HDAC9: variants seen among roughly 807,000 people sequenced by gnomAD.
HDAC9 encodes MEF-2 interacting transcription repressor (MITR) protein.
In HDAC9, 41 loss-of-function variants were observed where a neutral mutation model predicts 139.4. The observed-to-expected ratio is 0.29, with a 90% CI of 0.23 to 0.38. HDAC9 has a LOEUF of 0.38. Among genes scored for constraint, HDAC9 ranks in the 10% least tolerant of loss-of-function variants. The pLI is 1.00. For synonymous variants in HDAC9, 517 were observed against 476.2 expected, an observed-to-expected ratio of 1.09 and a Z score of -1.12; for missense variants, 1,147 against 1,297.0, an observed-to-expected ratio of 0.88 and a Z score of 1.78.
intron 22 of HDAC9, among the ~76,000 whole-genome samples, chr7:18,927,326 C>T (rs1441353978): frequency 2.0e-5 from 3 of 152,144 alleles, no homozygotes; most frequent in African/African-American, 4.8e-5. Context: ...TTCCTCCCAT[C>T]TGCAACAATC....
At chr7:18,992,195 C>T (rs1395111064) in intron 25 of HDAC9, among the ~76,000 whole-genome samples, 1 of 152,168 alleles carries the variant, frequency 6.6e-6, no homozygotes, top group East Asian at 1.9e-4. Context: ...AGTACGTATA[C>T]TAGGAAGTTC....
chr7:18,326,801 A>G (rs1800484698), intron 1 of HDAC9, among the ~76,000 whole-genome samples: 1 of 151,970 alleles, frequency 6.6e-6, no homozygotes, highest in Non-Finnish European at 1.5e-5. Context: ...CCTTTTGTAC[A>G]GGGTAGAAAC....
At chr7:18,300,730 A>G (rs1334797639) in intron 1 of HDAC9, among the ~76,000 whole-genome samples, 1 of 152,186 alleles carries the variant, frequency 6.6e-6, no homozygotes. Context: ...CAGACCGGTT[A>G]TATTAAAACT....
At chr7:18,392,434 T>C (rs935197955) in intron 1 of HDAC9, among the ~76,000 whole-genome samples, 10 of 147,990 alleles carry the variant, frequency 6.8e-5, no homozygotes, top group Non-Finnish European at 1.5e-4. Context: ...GATAGATAGA[T>C]AGATAGACAG....
chr7:18,802,837 G>C (rs1432839395), intron 17 of HDAC9, among the ~76,000 whole-genome samples: 3 of 150,672 alleles, frequency 2.0e-5, no homozygotes, highest in African/African-American at 7.3e-5. Flanking sequence ...TATTTTCCTG[G>C]CTTATCATTT....
At chr7:18,724,715 G>C (rs568579590) in intron 12 of HDAC9, among the ~76,000 whole-genome samples, 1 of 152,082 alleles carries the variant, frequency 6.6e-6, no homozygotes, top group Non-Finnish European at 1.5e-5. Flanking sequence ...CATATATGTG[G>C]TCTATCCTTG....
intron 22 of HDAC9, among the ~76,000 whole-genome samples, chr7:18,908,999 A>G (rs1802513358): frequency 6.6e-6 from 1 of 152,016 alleles, no homozygotes; most frequent in African/African-American, 2.4e-5. Context: ...GTACTAATTT[A>G]TATTCCCATG....
At chr7:18,916,016 C>CG (rs146138295) in intron 22 of HDAC9, among the ~76,000 whole-genome samples, 5,610 of 82,726 alleles carry the variant, frequency 0.068, 183 homozygotes, top group South Asian at 0.2. Context: ...CTCTCACCCC[C>CG]CGCTGGAAAA....
At chr7:18,956,100 A>G (rs1180823956) in intron 24 of HDAC9, among the ~76,000 whole-genome samples, 3 of 152,182 alleles carry the variant, frequency 2.0e-5, no homozygotes, top group East Asian at 1.9e-4. Flanking sequence ...AAAAGACTCA[A>G]TCTACTATCA....
intron 13 of HDAC9, among the ~76,000 whole-genome samples, chr7:18,730,437 A>G (rs1785943806): frequency 2.0e-5 from 3 of 152,180 alleles, no homozygotes; most frequent in Admixed American, 2.0e-4. Context: ...TGACTTTTTA[A>G]TATCTATTTG....
intron 11 of HDAC9, 88 bp downstream of exon 11, chr7:18,648,771 T>C: frequency 9.1e-7 from 1 of 1,102,086 alleles, no homozygotes; most frequent in Non-Finnish European, 1.3e-6. Flanking sequence ...AAGAGGAATG[T>C]TGATGGGAGT....
intron 1 of HDAC9, among the ~76,000 whole-genome samples, chr7:18,107,808 G>A (rs1456433395): frequency 1.3e-5 from 2 of 152,132 alleles, no homozygotes; most frequent in African/African-American, 4.8e-5. Context: ...ATTATGCAGT[G>A]GTAGATAGTG....
chr7:18,142,377 C>G (rs575490224), intron 1 of HDAC9, among the ~76,000 whole-genome samples: 2 of 152,252 alleles, frequency 1.3e-5, no homozygotes, highest in Admixed American at 1.3e-4. Flanking sequence ...ATCCTTCTGT[C>G]CCCCCAGTGG....
At chr7:18,615,064 T>C (rs1838201238) in intron 6 of HDAC9, among the ~76,000 whole-genome samples, 1 of 152,206 alleles carries the variant, frequency 6.6e-6, no homozygotes, top group African/African-American at 2.4e-5. Context: ...ATGGTTTTCC[T>C]CAGTGTCTTA....
intron 2 of HDAC9, among the ~76,000 whole-genome samples, chr7:18,526,739 C>T (rs1347673609): frequency 6.6e-6 from 1 of 152,020 alleles, no homozygotes; most frequent in Non-Finnish European, 1.5e-5. Flanking sequence ...GGATAGCCTA[C>T]ATAACTTAAA....
chr7:18,574,631 C>T (rs1444549128), intron 2 of HDAC9, among the ~76,000 whole-genome samples: 2 of 152,212 alleles, frequency 1.3e-5, no homozygotes, highest in African/African-American at 4.8e-5. Flanking sequence ...TGCCGAAGGG[C>T]GCCTGCAGGC....
rs145455153 is a variant in HDAC9, at chr7:18,645,150, T to C, written c.1035+357T>C. ...AAGGAGAAGCTGAGACTTGGAGAGT[T>C]TCAAAGCACAAGATCACAGAGCCAG... On this transcript the variant is annotated intron_variant, in intron 9 of 25. Transcript: ENST00000686413. Among the ~76,000 whole-genome samples the C allele has an allele frequency of 4.5e-3, 688 of 152,130 alleles. 7 individuals are homozygous for C. The highest frequency in any genetic ancestry group is 0.014 in the Middle Eastern group (4 of 294).
chr7:18,368,811 T>A (rs1784380691), intron 1 of HDAC9, among the ~76,000 whole-genome samples: 1 of 152,036 alleles, frequency 6.6e-6, no homozygotes. Flanking sequence ...AAGAGAGAAA[T>A]GCCTCTCTGT....
chr7:18,207,858 G>T (rs1791650226), intron 2 of HDAC9, among the ~76,000 whole-genome samples: 2 of 151,886 alleles, frequency 1.3e-5, no homozygotes, highest in Admixed American at 1.3e-4. Flanking sequence ...GGGGTTACAG[G>T]CATGAGCCAC....
Sources: allele counts gnomAD v4.1 joint callset (sites outside exome capture counted in the v4.1 genomes callset), GRCh38; gene constraint gnomAD v4.1.1; transcripts MANE v1.5; gene names NCBI Gene and HGNC (gene_info 2026-07-23, HGNC 2026-07-21).